The following MELTF variants were observed in gnomAD, a reference collection of about 807,000 sequenced individuals.
MELTF encodes antigen p97 (melanoma associated) identified by monoclonal antibodies 133.2 and 96.5.
In MELTF, 67 loss-of-function variants were observed where a neutral mutation model predicts 83.7. The ratio of observed to expected loss-of-function variants is 0.80; its 90% confidence interval spans 0.66 to 0.98. The LOEUF (loss-of-function observed/expected upper bound fraction) is 0.98. Among genes scored for constraint, MELTF ranks in the 50% least tolerant of loss-of-function variants. The probability of loss-of-function intolerance (pLI) is 0.00; values close to 1 mark genes in which losing one functional copy is unlikely to be tolerated. For missense variants in MELTF, 1,002 were observed against 1,035.6 expected, an observed-to-expected ratio of 0.97 and a Z score of 0.44; for synonymous variants, 462 against 447.6, an observed-to-expected ratio of 1.03 and a Z score of -0.41.
intron 7 of MELTF, 126 bp downstream of exon 7, chr3:197,016,977 G>C (rs1036053019): frequency 9.2e-7 from 1 of 1,089,972 alleles, no homozygotes; most frequent in Non-Finnish European, 1.3e-6. Context: ...GACCTGGCCC[G>C]ATGCTGGGGT....
intron 9 of MELTF, among the ~76,000 whole-genome samples, chr3:197,012,620 A>G (rs3773863): frequency 0.082 from 12,562 of 152,342 alleles, 1,206 homozygotes; most frequent in African/African-American, 0.22. Context: ...GGGGAGTGTG[A>G]ACACCCAAGG....
chr3:197,028,402 G>C (rs1719950975), intron 1 of MELTF: 1 of 157,544 alleles, frequency 6.3e-6, no homozygotes, highest in African/African-American at 2.4e-5. Context: ...TGTCCCCTCG[G>C]GGAGTGTCTG....
chr3:197,015,418 C>G lies in MELTF; in HGVS notation c.1180G>C (p.Glu394Gln), dbSNP rs1189599513. The change falls in exon 9 of 16, where the codon GAG becomes CAG. Residue 394 changes from glutamate (E) to glutamine (Q), a missense_variant. Transcript: ENST00000296350. ...VAFRRQRLKP[E>Q]IQCVSAKSPQ... ...GACTTGGCTGACACGCACTGGATCT[C>G]TGGCTTGAGCCGCTGCCGGCGGAAG... 6 of 1,592,778 alleles carry G rather than the reference C, an allele frequency of 3.8e-6. No homozygotes were observed.
intron 6 of MELTF, among the ~76,000 whole-genome samples, chr3:197,017,801 T>C (rs560049195): frequency 5.9e-4 from 90 of 152,110 alleles, no homozygotes; most frequent in African/African-American, 1.7e-3. Flanking sequence ...GGTGTGAACC[T>C]GGGAGGCGGA....
chr3:197,019,959 G>A (rs1719555842), intron 6 of MELTF, among the ~76,000 whole-genome samples: 1 of 152,182 alleles, frequency 6.6e-6, no homozygotes. Context: ...GGGGCCTGAG[G>A]AACTCCTGGG....
At chr3:197,013,565 C>T (rs764890802) in intron 9 of MELTF, among the ~76,000 whole-genome samples, 12 of 152,150 alleles carry the variant, frequency 7.9e-5, no homozygotes, top group African/African-American at 2.2e-4. Flanking sequence ...GAGAAAACAA[C>T]GAACAGAGTG....
chr3:197,018,197 G>A (rs954970152), intron 6 of MELTF, among the ~76,000 whole-genome samples: 1 of 152,134 alleles, frequency 6.6e-6, no homozygotes, highest in Non-Finnish European at 1.5e-5. Flanking sequence ...GCCCAGGCTG[G>A]AGTGCAGTGG....
Position 197,006,463 on chromosome 3 carries a change from T to C in MELTF, c.1938+86A>G. 8.1e-7 allele frequency: 1 copy of C among 1,227,410 alleles called. No individual in the cohort carries two copies. The highest frequency in any genetic ancestry group is 1.6e-5 in the African/African-American group (1 of 64,094). The allele number at this position is 1,227,410 out of a possible 1,614,324, so 76.0% of individuals were successfully genotyped here. On this transcript the variant is annotated intron_variant, in intron 14 of 15. Coordinates refer to ENST00000296350, the MANE Select transcript of MELTF (RefSeq NM_005929.6). The surrounding 1 kb of genome is among the most constrained non-coding windows in gnomAD (Gnocchi z 5.4). Reference sequence around the variant, plus strand: ...CGGGCTTCCTCAATTTCTCTAGAGGTCTGCTCCAGGTAGACTGAGGCCTCC... The same window carrying C: ...CGGGCTTCCTCAATTTCTCTAGAGGCCTGCTCCAGGTAGACTGAGGCCTCC...
rs1200164618 is a variant in MELTF at position 197,026,733 on chromosome 3, CAG to C, written c.229_230del (p.Leu77GlyfsTer7). The C allele has an allele frequency of 1.8e-5, 29 of 1,613,008 alleles. No individual in the cohort carries two copies. The highest frequency in any genetic ancestry group is 2.5e-5 in the Non-Finnish European group (29 of 1,180,012). On this transcript the variant is annotated frameshift_variant, in exon 3 of 16. Transcript: ENST00000296350. LOFTEE classifies it high-confidence loss of function. Reference sequence around the variant, plus strand: ...CCGCCTCATAGATGGCTCCTCCATCCAGAGTGATGGCGTCAGCCTCCTGGGCC... The same window carrying C: ...CCGCCTCATAGATGGCTCCTCCATCCAGTGATGGCGTCAGCCTCCTGGGCC... The part of the protein sequence containing the change: ...IAAQEADAIT[L>X]DGGAIYEAGK...
rs1290917210 is a variant in MELTF, at chr3:197,029,790, C to G, written c.-88G>C. The G allele has an allele frequency of 2.1e-6, 2 of 955,078 alleles. No individual in the cohort carries two copies. Among genetic ancestry groups the G allele is most frequent in the Admixed American group, 8.6e-5 (2 of 23,196 alleles). 59.2% of individuals were successfully genotyped at this position (955,078 alleles called of 1,614,324 possible). On this transcript the variant is annotated 5_prime_UTR_variant, in exon 1 of 16. Transcript: ENST00000296350. The surrounding 1 kb of genome is among the most constrained non-coding windows in gnomAD (Gnocchi z 6.5). ...CAGCCGGGCTTCCTCCCTGCTCCCC[C>G]TCGCGCTGGCCCGAGCTCCTTAAGT...
intron 10 of MELTF, 34 bp from the exon 11 acceptor site, chr3:197,009,846 C>A: frequency 6.3e-7 from 1 of 1,587,276 alleles, no homozygotes; most frequent in Non-Finnish European, 8.6e-7. Flanking sequence ...AGGGGCCCCT[C>A]ATCTGAGAGC....
intron 9 of MELTF, among the ~76,000 whole-genome samples, chr3:197,014,907 A>C (rs1210260338): frequency 6.6e-6 from 1 of 152,238 alleles, no homozygotes; most frequent in African/African-American, 2.4e-5. Context: ...GAATATGCAC[A>C]ATTATTATTT....
chr3:197,003,802 C>A lies in MELTF; in HGVS notation c.2137+99G>T. The A allele has an allele frequency of 7.5e-7, 1 of 1,338,848 alleles. No individual in the cohort carries two copies. The highest frequency in any genetic ancestry group is 1.3e-5 in the South Asian group (1 of 74,964). 82.9% of individuals were successfully genotyped at this position (1,338,848 alleles called of 1,614,324 possible). On this transcript the variant is annotated intron_variant, in intron 15 of 15. Coordinates refer to ENST00000296350, the MANE Select transcript of MELTF (RefSeq NM_005929.6). The surrounding 1 kb of genome is among the most constrained non-coding windows in gnomAD (Gnocchi z 6.2). ...TGGACTGCTGCGAACGGGCCTCCAC[C>A]CGCCTCCCCGGACCCGCAGCGCCCC...
chr3:197,027,402 C>T (rs1190307330), intron 2 of MELTF, among the ~76,000 whole-genome samples: 3 of 152,272 alleles, frequency 2.0e-5, no homozygotes, highest in Non-Finnish European at 4.4e-5. Context: ...TCCCCAGAAA[C>T]CACACAAGCC....
Position 197,008,581 on chromosome 3 carries a change from A to G in MELTF, c.1750+76T>C. ...AGCTGCTGCTTGGCCCCAGCCCAGC[A>G]TGGTGTCTGGATGGTGCTGAAGATG... On this transcript the variant is annotated intron_variant, in intron 13 of 15. Coordinates refer to ENST00000296350, the MANE Select transcript of MELTF (RefSeq NM_005929.6). This position sits in a 1 kb window ranked among gnomAD's most constrained non-coding sequence, Gnocchi z 5.4. 4 of 1,495,228 alleles carry G rather than the reference A, an allele frequency of 2.7e-6. No individual in the cohort carries two copies. Among genetic ancestry groups the G allele is most frequent in the Admixed American group, 3.6e-5 (2 of 55,616 alleles). 92.6% of individuals were successfully genotyped at this position (1,495,228 alleles called of 1,614,324 possible).
At position 197,003,180 on chromosome 3, in the gene MELTF, C is replaced by A; in HGVS notation, c.*192G>T. The A allele has an allele frequency of 3.8e-6, 2 of 529,242 alleles. No homozygotes were observed. The highest frequency in any genetic ancestry group is 2.4e-6 in the Non-Finnish European group (1 of 409,996). 32.8% of individuals were successfully genotyped at this position (529,242 alleles called of 1,614,324 possible). Reference sequence around the variant, plus strand: ...GGAGGCGGCGGTTGGCGGGAAGGGCCGCGCGGGCCCGGGGGCGGCGCCTCA... The same window carrying A: ...GGAGGCGGCGGTTGGCGGGAAGGGCAGCGCGGGCCCGGGGGCGGCGCCTCA... On this transcript the variant is annotated 3_prime_UTR_variant, in exon 16 of 16. Transcript: ENST00000296350. The surrounding 1 kb of genome is among the most constrained non-coding windows in gnomAD (Gnocchi z 6.2).
chr3:197,018,323 AT>A (rs200599925), intron 6 of MELTF, among the ~76,000 whole-genome samples: 35,008 of 148,960 alleles, frequency 0.24, 4,118 homozygotes, highest in Middle Eastern at 0.33. Context: ...AATTTTTTGT[AT>A]TTTTTTTTAT....
chr3:197,018,486 G>T (rs1471598769), intron 6 of MELTF, among the ~76,000 whole-genome samples: 1 of 150,732 alleles, frequency 6.6e-6, no homozygotes, highest in Non-Finnish European at 1.5e-5. Context: ...TTACTCTGTC[G>T]CTCAGGCTGG....
rs11712362 is a variant in MELTF at position 197,013,678 on chromosome 3, A to G, written c.1233+1687T>C. On this transcript the variant is annotated intron_variant, in intron 9 of 15. Transcript: ENST00000296350. ...CATGCAACGGAAACATCTCAACAGC[A>G]GAAAACCATCCAACTTAAAAACGGG... Among the ~76,000 whole-genome samples, 346 of 152,366 alleles carry G rather than the reference A, an allele frequency of 2.3e-3. 2 individuals carry two copies. Among genetic ancestry groups the G allele is most frequent in the Middle Eastern group, 6.8e-3 (2 of 294 alleles).
Sources: allele counts gnomAD v4.1 joint callset (sites outside exome capture counted in the v4.1 genomes callset), GRCh38; gene constraint gnomAD v4.1.1; non-coding constraint Gnocchi (gnomAD v3.1); transcripts MANE v1.5; gene names NCBI Gene and HGNC (gene_info 2026-07-23, HGNC 2026-07-21).